Variants in KCNJ16 observed in about 807,000 individuals in gnomAD.
KCNJ16 encodes inward rectifier potassium channel 16.
A neutral mutation model predicts 18.5 loss-of-function variants in KCNJ16; 15 were observed. The ratio of observed to expected loss-of-function variants is 0.81; its 90% confidence interval spans 0.54 to 1.25. KCNJ16 has a LOEUF of 1.25. KCNJ16 is among the 50% of genes most tolerant of loss of function. The probability of loss-of-function intolerance (pLI) is 0.00; values close to 1 mark genes in which losing one functional copy is unlikely to be tolerated. For missense variants in KCNJ16, 523 were observed against 525.7 expected (o/e 0.99, Z 0.05); for synonymous variants, 174 against 186.5 (o/e 0.93, Z 0.55).
intron 2 of KCNJ16, among the ~76,000 whole-genome samples, chr17:70,117,492 G>A (rs1400603243): frequency 2.0e-5 from 3 of 152,158 alleles, no homozygotes; most frequent in East Asian, 1.9e-4. Flanking sequence ...ACTGAACTCC[G>A]TTATCAGTCC....
chr17:70,083,880 T>C (rs1286261263), intron 1 of KCNJ16, among the ~76,000 whole-genome samples: 5 of 152,062 alleles, frequency 3.3e-5, no homozygotes, highest in African/African-American at 1.2e-4. Flanking sequence ...AGATAGAATA[T>C]TGAAACCAGT....
intron 2 of KCNJ16, among the ~76,000 whole-genome samples, chr17:70,105,745 T>A (rs2072894306): frequency 6.6e-6 from 1 of 152,202 alleles, no homozygotes; most frequent in Non-Finnish European, 1.5e-5. Flanking sequence ...TTTCAATTTG[T>A]AATCTGGACT....
At chr17:70,126,284 G>A (rs938355298) in intron 2 of KCNJ16, among the ~76,000 whole-genome samples, 2 of 152,162 alleles carry the variant, frequency 1.3e-5, no homozygotes, top group East Asian at 1.9e-4. Flanking sequence ...CAGTAAACAC[G>A]ATTAACTTAT....
intron 1 of KCNJ16, among the ~76,000 whole-genome samples, chr17:70,091,725 G>A (rs1385831477): frequency 6.6e-6 from 1 of 152,142 alleles, no homozygotes; most frequent in Non-Finnish European, 1.5e-5. Flanking sequence ...TACCTAGGTA[G>A]GGCTTCATTA....
intron 1 of KCNJ16, among the ~76,000 whole-genome samples, chr17:70,097,632 T>A (rs2072439528): frequency 6.6e-6 from 1 of 152,126 alleles, no homozygotes; most frequent in Admixed American, 6.5e-5. Context: ...TTCAAATATT[T>A]TCTGTTCTCT....
intron 2 of KCNJ16, among the ~76,000 whole-genome samples, chr17:70,125,834 A>C (rs1191150864): frequency 6.6e-6 from 1 of 152,052 alleles, no homozygotes; most frequent in African/African-American, 2.4e-5. Flanking sequence ...CGGGAGGCTG[A>C]GGCAGGAGAA....
chr17:70,101,817 A>G (rs2072638929), intron 2 of KCNJ16: 1 of 152,152 alleles, frequency 6.6e-6, no homozygotes, highest in African/African-American at 2.4e-5. Flanking sequence ...CATTCACTGT[A>G]CACCAAGCAA....
chr17:70,097,261 C>A (rs577283325), intron 1 of KCNJ16, among the ~76,000 whole-genome samples: 33 of 152,260 alleles, frequency 2.2e-4, no homozygotes, highest in Non-Finnish European at 4.0e-4. Context: ...TCTCCCCACT[C>A]TTGTCAGGAT....
chr17:70,131,491 A>G, intron 3 of KCNJ16: 6 of 996,700 alleles, frequency 6.0e-6, no homozygotes, highest in Non-Finnish European at 7.2e-6. Flanking sequence ...GTGAGGGATT[A>G]CCTATTACAC....
At chr17:70,109,714 A>G (rs1414286812) in intron 2 of KCNJ16, among the ~76,000 whole-genome samples, 2 of 152,192 alleles carry the variant, frequency 1.3e-5, no homozygotes, top group African/African-American at 4.8e-5. Flanking sequence ...TCCAGTGGGC[A>G]ATCCTAAACT....
chr17:70,132,450 CT>C lies in KCNJ16; in HGVS notation c.368del (p.Leu123CysfsTer4). The C allele has an allele frequency of 6.2e-7, 1 of 1,614,154 alleles. No individual in the cohort carries two copies. The highest frequency in any genetic ancestry group is 8.5e-7 in the Non-Finnish European group (1 of 1,180,024). On this transcript the variant is annotated frameshift_variant, in exon 4 of 4. Transcript: ENST00000392671. LOFTEE classifies it high-confidence loss of function. ...ACAACGTCCATTCTTTCACAGGGGC[CT>C]TTTTGTTCTCCCTAGAGACCCAAAC... ...VDNVHSFTGA[F>X]LFSLETQTTI...
At chr17:70,075,549 C>A (rs1012958767) in intron 1 of KCNJ16, among the ~76,000 whole-genome samples, 159 bp downstream of exon 1, 1 of 152,092 alleles carries the variant, frequency 6.6e-6, no homozygotes, top group Non-Finnish European at 1.5e-5. Context: ...TATCCAAGTG[C>A]TTTAAGTAGG....
intron 2 of KCNJ16, among the ~76,000 whole-genome samples, chr17:70,123,570 G>C (rs982182494): frequency 6.6e-6 from 1 of 152,092 alleles, no homozygotes; most frequent in Admixed American, 6.6e-5. Context: ...AGCTTCCCAG[G>C]TGCTAGCTAT....
At chr17:70,119,296 G>A (rs1259617630) in intron 2 of KCNJ16, among the ~76,000 whole-genome samples, 1 of 152,202 alleles carries the variant, frequency 6.6e-6, no homozygotes, top group Non-Finnish European at 1.5e-5. Context: ...AGAAGTTGCT[G>A]GTGGATCTAC....
rs2074092203 is a variant in KCNJ16 at position 70,132,484 on chromosome 17, G to T, written c.397G>T (p.Gly133Ter). 1 of 1,614,122 alleles carries T rather than the reference G, an allele frequency of 6.2e-7. No individual in the cohort carries two copies. Among genetic ancestry groups the T allele is most frequent in the Non-Finnish European group, 8.5e-7 (1 of 1,180,020 alleles). ...LFSLETQTTI[G>*]YGYRCVTEEC... ...CTCCCTAGAGACCCAAACCACCATA[G>T]GATATGGTTATCGCTGTGTTACTGA... is the stretch of plus-strand genomic sequence containing the variant. The change falls in exon 4 of 4, where the codon GGA (glycine) becomes TGA (stop). Residue 133 changes from glycine (G) to a stop codon, truncating the protein, a stop_gained. Transcript: ENST00000392671. LOFTEE classifies it high-confidence loss of function.
intron 1 of KCNJ16, among the ~76,000 whole-genome samples, chr17:70,095,568 T>C (rs1055806228): frequency 2.4e-4 from 36 of 152,220 alleles, no homozygotes; most frequent in Non-Finnish European, 2.9e-4. Context: ...CTCCTCTGCC[T>C]GCCTGTGAGT....
At chr17:70,091,604 T>TAC (rs61699534) in intron 1 of KCNJ16, among the ~76,000 whole-genome samples, 7 of 151,216 alleles carry the variant, frequency 4.6e-5, no homozygotes, top group East Asian at 2.0e-4. Context: ...CCAGTACACA[T>TAC]ACACACACAC....
At chr17:70,095,075 T>C (rs539615873) in intron 1 of KCNJ16, among the ~76,000 whole-genome samples, 3 of 152,356 alleles carry the variant, frequency 2.0e-5, no homozygotes, top group African/African-American at 7.2e-5. Context: ...ATTCAACTTA[T>C]GTGAGCATAT....
intron 2 of KCNJ16, among the ~76,000 whole-genome samples, chr17:70,116,090 T>C (rs71375769): frequency 0.043 from 6,584 of 152,252 alleles, 155 homozygotes; most frequent in Admixed American, 0.058. Context: ...AGTATGTGAA[T>C]AGAAGAAAAA....
Sources: gnomAD v4.1 joint callset for allele counts (sites outside exome capture counted in the v4.1 genomes callset) on GRCh38, gnomAD v4.1.1 for gene constraint, MANE v1.5 for transcripts, NCBI Gene and HGNC (gene_info 2026-07-23, HGNC 2026-07-21) for gene names.